Variants in GPC5 observed in about 807,000 individuals in gnomAD.
GPC5 encodes glypican-5.
A neutral mutation model predicts 53.9 loss-of-function variants in GPC5; 47 were observed. The ratio of observed to expected loss-of-function variants is 0.87; its 90% CI spans 0.69 to 1.11. The LOEUF is 1.11. Among genes scored for constraint, GPC5 ranks in the 50% most tolerant of loss-of-function variants. The pLI is 0.00. For synonymous variants in GPC5, 286 were observed against 263.3 expected, an observed-to-expected ratio of 1.09 and a Z score of -0.84; for missense variants, 748 against 713.1, an observed-to-expected ratio of 1.05 and a Z score of -0.56.
At chr13:91,705,414 A>G (rs1416166267) in intron 3 of GPC5, among the ~76,000 whole-genome samples, 1 of 152,204 alleles carries the variant, frequency 6.6e-6, no homozygotes, top group African/African-American at 2.4e-5. Context: ...AGATTACCCA[A>G]GGAAAATGTC....
intron 7 of GPC5, among the ~76,000 whole-genome samples, chr13:92,798,387 C>T (rs755241732): frequency 1.3e-5 from 2 of 151,740 alleles, no homozygotes; most frequent in Non-Finnish European, 2.9e-5. Flanking sequence ...AAATATAATG[C>T]TTTTTTCTGT....
chr13:92,281,774 A>T (rs144020997), intron 7 of GPC5, among the ~76,000 whole-genome samples: 1 of 152,318 alleles, frequency 6.6e-6, no homozygotes, highest in East Asian at 1.9e-4. Context: ...GACCAAAGGT[A>T]GATAAAACCG....
chr13:92,588,014 C>A lies in GPC5; in HGVS notation c.1562-278268C>A, dbSNP rs577786170. Among the ~76,000 whole-genome samples the A allele has an allele frequency of 1.7e-3, 266 of 152,112 alleles. 3 individuals carry two copies. Among genetic ancestry groups the A allele is most frequent in the Non-Finnish European group, 3.7e-4 (25 of 67,994 alleles). On this transcript the variant is annotated intron_variant, in intron 7 of 7. Coordinates refer to ENST00000377067, the MANE Select transcript of GPC5 (RefSeq NM_004466.6). Reference sequence around the variant, plus strand: ...TGGTGGTTTGCTGCACCTATCAACCCATCATCTGGGTTTTAAGCCCCACAT... The same window carrying A: ...TGGTGGTTTGCTGCACCTATCAACCAATCATCTGGGTTTTAAGCCCCACAT...
intron 1 of GPC5, among the ~76,000 whole-genome samples, chr13:91,413,134 A>C (rs944148579): frequency 6.6e-6 from 1 of 152,210 alleles, no homozygotes; most frequent in Non-Finnish European, 1.5e-5. Flanking sequence ...TTAAAAAATC[A>C]ACCAGGTGTA....
At position 92,310,256 on chromosome 13, in the gene GPC5, A is replaced by T. The variant is rs1331373334; in HGVS notation, c.1561+165267A>T. Among the ~76,000 whole-genome samples the T allele has an allele frequency of 2.6e-5, 4 of 152,094 alleles. No individual in the cohort carries two copies. The East Asian group carries it at 7.7e-4, about 29-fold the overall frequency. ...ACCCCTCTAAATAACAATCTATCAC[A>T]TCTTCATCTTTTATCTATGTATTTT... On this transcript the variant is annotated intron_variant, in intron 7 of 7. Coordinates refer to ENST00000377067, the MANE Select transcript of GPC5 (RefSeq NM_004466.6).
chr13:92,761,435 A>G (rs1260996493), intron 7 of GPC5, among the ~76,000 whole-genome samples: 1 of 152,204 alleles, frequency 6.6e-6, no homozygotes, highest in Non-Finnish European at 1.5e-5. Context: ...ATCATTAAAT[A>G]ATGACCTGTT....
At chr13:92,667,046 G>T (rs1434214954) in intron 7 of GPC5, among the ~76,000 whole-genome samples, 2 of 151,988 alleles carry the variant, frequency 1.3e-5, no homozygotes, top group Non-Finnish European at 2.9e-5. Context: ...AATAGATGAG[G>T]GTATACATTT....
chr13:92,776,384 T>C (rs1425825917), intron 7 of GPC5, among the ~76,000 whole-genome samples: 1 of 151,988 alleles, frequency 6.6e-6, no homozygotes, highest in Non-Finnish European at 1.5e-5. Context: ...ATCATCTGCT[T>C]CCCCCTTTCC....
At chr13:92,292,787 T>G (rs987064143) in intron 7 of GPC5, among the ~76,000 whole-genome samples, 4 of 152,202 alleles carry the variant, frequency 2.6e-5, no homozygotes, top group Non-Finnish European at 5.9e-5. Context: ...TCTAGAATTT[T>G]TATAGTTTCA....
At chr13:91,634,072 G>A (rs1382269940) in intron 2 of GPC5, among the ~76,000 whole-genome samples, 1 of 152,060 alleles carries the variant, frequency 6.6e-6, no homozygotes, top group Non-Finnish European at 1.5e-5. Flanking sequence ...AGCTTGCGTA[G>A]GGAATGAGGA....
chr13:92,203,485 G>T (rs1361509761), intron 7 of GPC5, among the ~76,000 whole-genome samples: 12 of 111,190 alleles, frequency 1.1e-4, no homozygotes, highest in Non-Finnish European at 1.8e-4. Flanking sequence ...TGGGGACTGT[G>T]GTGGGGTCGG....
At chr13:91,731,516 T>C (rs1364961179) in intron 4 of GPC5, among the ~76,000 whole-genome samples, 1 of 152,214 alleles carries the variant, frequency 6.6e-6, no homozygotes, top group Non-Finnish European at 1.5e-5. Context: ...TTTCTTTTCC[T>C]TTATTTTATT....
chr13:91,451,683 T>A (rs1218352654), intron 2 of GPC5, among the ~76,000 whole-genome samples: 1 of 152,030 alleles, frequency 6.6e-6, no homozygotes, highest in South Asian at 2.1e-4. Context: ...GGTGGCATGA[T>A]CTTTGCTCAC....
chr13:91,861,874 A>G (rs957605706), intron 5 of GPC5, among the ~76,000 whole-genome samples: 4 of 151,490 alleles, frequency 2.6e-5, no homozygotes, highest in Admixed American at 2.6e-4. Flanking sequence ...ATCAATTTAT[A>G]GTTAACTAAT....
At chr13:91,974,186 G>T (rs1327933915) in intron 6 of GPC5, among the ~76,000 whole-genome samples, 1 of 152,170 alleles carries the variant, frequency 6.6e-6, no homozygotes, top group Non-Finnish European at 1.5e-5. Flanking sequence ...AAAACTGGAA[G>T]CATTCCCTTT....
At chr13:92,161,228 C>A (rs917201426) in intron 7 of GPC5, among the ~76,000 whole-genome samples, 1 of 152,028 alleles carries the variant, frequency 6.6e-6, no homozygotes, top group African/African-American at 2.4e-5. Context: ...AGAGTTCTAG[C>A]CAGAAATAGT....
intron 7 of GPC5, among the ~76,000 whole-genome samples, chr13:92,288,364 G>T (rs575196473): frequency 2.6e-5 from 4 of 152,218 alleles, no homozygotes; most frequent in African/African-American, 9.6e-5. Flanking sequence ...TTGTAATGTG[G>T]TAACTCTGGA....
At chr13:92,358,459 G>T (rs546736820) in intron 7 of GPC5, among the ~76,000 whole-genome samples, 1 of 151,792 alleles carries the variant, frequency 6.6e-6, no homozygotes, top group East Asian at 1.9e-4. Context: ...CACAGCTCTA[G>T]TAGGCCGTGC....
intron 2 of GPC5, among the ~76,000 whole-genome samples, chr13:91,470,247 C>G (rs1477015505): frequency 6.6e-6 from 1 of 152,146 alleles, no homozygotes; most frequent in African/African-American, 2.4e-5. Flanking sequence ...ATAAGTGAAG[C>G]AGCACAGAGA....
Sources: allele counts gnomAD v4.1 joint callset (sites outside exome capture counted in the v4.1 genomes callset), GRCh38; gene constraint gnomAD v4.1.1; transcripts MANE v1.5; gene names NCBI Gene and HGNC (gene_info 2026-07-23, HGNC 2026-07-21).